UST: variants seen among roughly 807,000 people sequenced by gnomAD.
UST encodes the protein uronyl 2-sulfotransferase.
UST carries 21 observed loss-of-function variants against 45.6 expected under a neutral mutation model. The observed-to-expected ratio is 0.46, with a 90% CI of 0.33 to 0.66. UST has a LOEUF of 0.66. Among genes scored for constraint, UST ranks in the 30% least tolerant of loss-of-function variants. The pLI is 0.02. For missense variants in UST, 463 were observed against 512.4 expected (o/e 0.90, Z 0.93); for synonymous variants, 215 against 200.6 (o/e 1.07, Z -0.61).
intron 5 of UST, among the ~76,000 whole-genome samples, chr6:148,978,310 T>A (rs1216441427): frequency 1.3e-5 from 2 of 152,142 alleles, no homozygotes; most frequent in Non-Finnish European, 2.9e-5. Context: ...ACCCAAAGGA[T>A]TATACATCAC....
intron 7 of UST, among the ~76,000 whole-genome samples, chr6:149,071,910 A>G (rs1288454275): frequency 6.6e-6 from 1 of 152,214 alleles, no homozygotes; most frequent in Non-Finnish European, 1.5e-5. Context: ...AAGCACATGA[A>G]AAGGTCATTA....
intron 1 of UST, among the ~76,000 whole-genome samples, chr6:148,773,774 G>T (rs909008360): frequency 1.2e-4 from 19 of 152,166 alleles, no homozygotes; most frequent in Admixed American, 9.2e-4. Context: ...CAGGTTTAGG[G>T]CTCAGAATAG....
intron 5 of UST, among the ~76,000 whole-genome samples, chr6:148,995,901 TCATGCATTCA>T (rs1437953198): frequency 1.3e-5 from 2 of 152,220 alleles, no homozygotes; most frequent in African/African-American, 4.8e-5. Context: ...AGGGCCCTAT[TCATGCATTCA>T]CATGACCTGG....
intron 1 of UST, among the ~76,000 whole-genome samples, chr6:148,814,677 A>T (rs1777323653): frequency 6.6e-6 from 1 of 152,170 alleles, no homozygotes; most frequent in African/African-American, 2.4e-5. Context: ...TCAGAAAAGC[A>T]CGATGATTAT....
intron 5 of UST, among the ~76,000 whole-genome samples, chr6:149,011,782 A>T (rs1775816188): frequency 6.6e-6 from 1 of 152,258 alleles, no homozygotes; most frequent in Non-Finnish European, 1.5e-5. Context: ...ACTGCACTCC[A>T]GCCTGGGCGA....
At position 148,747,309 on chromosome 6, in the gene UST, CA is replaced by C; in HGVS notation, c.-121del. The C allele has an allele frequency of 1.6e-6, 2 of 1,222,254 alleles. No homozygotes were observed. Among genetic ancestry groups the C allele is most frequent in the Non-Finnish European group, 2.1e-6 (2 of 951,554 alleles). The allele number at this position is 1,222,254 out of a possible 1,614,324, so 75.7% of individuals were successfully genotyped here. ...GGCAACTTCGGCCCCTCCCCGCCCC[CA>C]CCCGGCTGCCCTCCGCGCGGCCCTC... On this transcript the variant is annotated 5_prime_UTR_variant, in exon 1 of 8. Coordinates refer to ENST00000367463, the MANE Select transcript of UST (RefSeq NM_005715.3).
At chr6:148,769,760 G>A (rs891714459) in intron 1 of UST, among the ~76,000 whole-genome samples, 44 of 151,980 alleles carry the variant, frequency 2.9e-4, no homozygotes, top group Middle Eastern at 3.4e-3. Flanking sequence ...TTGTGTGTGT[G>A]TGTGTGTGTG....
At chr6:148,945,886 C>T (rs1234899782) in intron 3 of UST, among the ~76,000 whole-genome samples, 2 of 152,174 alleles carry the variant, frequency 1.3e-5, no homozygotes, top group African/African-American at 4.8e-5. Context: ...TACTATATCA[C>T]TATAAACGTA....
chr6:148,754,440 C>T (rs1776057414), intron 1 of UST, among the ~76,000 whole-genome samples: 2 of 152,154 alleles, frequency 1.3e-5, no homozygotes, highest in Non-Finnish European at 2.9e-5. Context: ...AATTTCTGGT[C>T]TTTTGTCCCT....
At chr6:148,773,222 G>A (rs1776466114) in intron 1 of UST, among the ~76,000 whole-genome samples, 1 of 152,178 alleles carries the variant, frequency 6.6e-6, no homozygotes, top group Admixed American at 6.5e-5. Flanking sequence ...CAATTTGGGT[G>A]GCTGAGATGG....
At chr6:148,876,550 C>T (rs973551999) in intron 1 of UST, among the ~76,000 whole-genome samples, 2 of 152,130 alleles carry the variant, frequency 1.3e-5, no homozygotes, top group African/African-American at 4.8e-5. Flanking sequence ...GCAGGATTGA[C>T]TCTACAACCC....
At chr6:148,882,664 TGGA>T (rs1299699072) in intron 1 of UST, among the ~76,000 whole-genome samples, 1 of 152,116 alleles carries the variant, frequency 6.6e-6, no homozygotes, top group East Asian at 1.9e-4. Context: ...TTGCATTTTA[TGGA>T]GCAGGAGGTG....
At chr6:148,807,719 G>C (rs764243474) in intron 1 of UST, among the ~76,000 whole-genome samples, 2 of 152,154 alleles carry the variant, frequency 1.3e-5, no homozygotes, top group Non-Finnish European at 2.9e-5. Context: ...AGGAAAGGCT[G>C]TATTTTCATA....
At chr6:148,769,537 C>G (rs566534881) in intron 1 of UST, among the ~76,000 whole-genome samples, 8 of 152,364 alleles carry the variant, frequency 5.3e-5, no homozygotes, top group African/African-American at 1.9e-4. Flanking sequence ...CTCTGAGTCT[C>G]TGTTGGAACT....
At chr6:148,770,651 A>T (rs1019092083) in intron 1 of UST, among the ~76,000 whole-genome samples, 1 of 152,180 alleles carries the variant, frequency 6.6e-6, no homozygotes, top group African/African-American at 2.4e-5. Flanking sequence ...TACAGTCCTC[A>T]TATTTGAACA....
intron 2 of UST, among the ~76,000 whole-genome samples, chr6:148,905,941 C>G (rs1458301295): frequency 6.6e-6 from 1 of 152,202 alleles, no homozygotes; most frequent in Non-Finnish European, 1.5e-5. Context: ...ATATTGTTAT[C>G]TCCCCAGCTA....
chr6:148,925,878 G>A (rs190937147), intron 2 of UST, among the ~76,000 whole-genome samples: 9 of 152,356 alleles, frequency 5.9e-5, no homozygotes, highest in African/African-American at 1.9e-4. Context: ...GAGCAAATGA[G>A]TGTGGTTGTT....
intron 7 of UST, among the ~76,000 whole-genome samples, chr6:149,045,258 T>G (rs6914281): frequency 0.41 from 62,947 of 151,996 alleles, 14,607 homozygotes; most frequent in African/African-American, 0.62. Context: ...AAACTGGGTT[T>G]TTATTTTGAG....
chr6:149,058,302 G>A (rs543757626), intron 7 of UST, among the ~76,000 whole-genome samples: 5 of 151,932 alleles, frequency 3.3e-5, no homozygotes, highest in Non-Finnish European at 5.9e-5. Context: ...AGGTAATGAA[G>A]TGTGATTTCA....
Sources: allele counts gnomAD v4.1 joint callset (sites outside exome capture counted in the v4.1 genomes callset), GRCh38; gene constraint gnomAD v4.1.1; transcripts MANE v1.5; gene names NCBI Gene and HGNC (gene_info 2026-07-23, HGNC 2026-07-21).